The following CLNK variants were observed in gnomAD, a reference collection of about 807,000 sequenced individuals.
The protein encoded by CLNK is cytokine-dependent hematopoietic cell linker.
In CLNK, 74 loss-of-function variants were observed where a neutral mutation model predicts 68.6. That is an observed-to-expected ratio of 1.08 (90% CI 0.89 to 1.31). The LOEUF is 1.31. CLNK is among the 50% of genes most tolerant of loss of function. The pLI is 0.00. For missense variants in CLNK, 553 were observed against 515.3 expected, an observed-to-expected ratio of 1.07 and a Z score of -0.71; for synonymous variants, 198 against 172.2, an observed-to-expected ratio of 1.15 and a Z score of -1.17.
intron 15 of CLNK, among the ~76,000 whole-genome samples, chr4:10,513,832 A>ATTT (rs1553845611): frequency 6.9e-6 from 1 of 145,616 alleles, no homozygotes; most frequent in Non-Finnish European, 1.5e-5. Context: ...TTTTTTTTTA[A>ATTT]ATTATTATTA....
intron 2 of CLNK, among the ~76,000 whole-genome samples, chr4:10,660,620 G>A (rs1724159172): frequency 6.6e-6 from 1 of 152,176 alleles, no homozygotes; most frequent in Non-Finnish European, 1.5e-5. Flanking sequence ...TAACCTTGTG[G>A]ACAGTCAGTA....
At chr4:10,710,899 T>C in the CLNK span, among the ~76,000 whole-genome samples, 2 of 152,186 alleles carry the variant, frequency 1.3e-5, no homozygotes, top group Non-Finnish European at 2.9e-5. Context: ...TGAGAAGCAT[T>C]GTGGAATCGG....
At chr4:10,695,428 T>C in the CLNK span, among the ~76,000 whole-genome samples, 1 of 152,188 alleles carries the variant, frequency 6.6e-6, no homozygotes, top group South Asian at 2.1e-4. Context: ...AGCTTGAATG[T>C]TATAAAATCA....
At chr4:10,569,293 C>G (rs1720249237) in intron 5 of CLNK, among the ~76,000 whole-genome samples, 1 of 147,474 alleles carries the variant, frequency 6.8e-6, no homozygotes, top group Non-Finnish European at 1.5e-5. Flanking sequence ...GGGTTCTTAT[C>G]TGATAGGATT....
At chr4:10,501,135 G>T in intron 18 of CLNK, 121 bp downstream of exon 18, 1 of 1,002,500 alleles carries the variant, frequency 1.0e-6, no homozygotes, top group Non-Finnish European at 1.4e-6. Flanking sequence ...GGGGTGGGGA[G>T]GTCAGACTGC....
At chr4:10,671,957 G>A (rs1724661978) in intron 1 of CLNK, among the ~76,000 whole-genome samples, 1 of 152,096 alleles carries the variant, frequency 6.6e-6, no homozygotes, top group African/African-American at 2.4e-5. Flanking sequence ...ACGCAAAATA[G>A]CTCGCTTTGT....
chr4:10,546,991 C>A (rs1358307461), intron 8 of CLNK, among the ~76,000 whole-genome samples: 1 of 152,134 alleles, frequency 6.6e-6, no homozygotes, highest in East Asian at 1.9e-4. Context: ...ACCAGTTCCC[C>A]TTCCATGACA....
rs933115264 is a variant in CLNK, at chr4:10,680,622, A to G, written c.-43+4046T>C. Reference sequence around the variant, plus strand: ...AATAATAATGCTAAGAATGATGATAATAGCCACTACCATTTACTTTGTATT... The same window carrying G: ...AATAATAATGCTAAGAATGATGATAGTAGCCACTACCATTTACTTTGTATT... On this transcript the variant is annotated intron_variant, in intron 1 of 18. Transcript: ENST00000226951. Among the ~76,000 whole-genome samples the G allele has an allele frequency of 1.3e-4, 20 of 152,204 alleles. 1 individual carries two copies. The highest frequency in any genetic ancestry group is 4.8e-4 in the African/African-American group (20 of 41,464).
rs541928452 is a variant in CLNK at position 10,569,998 on chromosome 4, A to T, written c.150+1743T>A. On this transcript the variant is annotated intron_variant, in intron 5 of 18. Transcript: ENST00000226951. ...GACAAAGCAAAGCAAAGCTGCTAGT[A>T]TGTGTACTCCAGGAAGTTTCACCAT... 7.2e-5 allele frequency among the ~76,000 whole-genome samples: 11 copies of T among 152,314 alleles called. No individual in the cohort carries two copies. The East Asian group carries it at 1.5e-3, about 21-fold the overall frequency.
intron 2 of CLNK, chr4:10,598,820 C>G (rs1335477958): frequency 4.7e-5 from 14 of 299,568 alleles, no homozygotes; most frequent in Non-Finnish European, 6.8e-5. Context: ...TTTTCCTCCA[C>G]AAATGCTCCT....
intron 5 of CLNK, among the ~76,000 whole-genome samples, chr4:10,568,731 G>C (rs1280554106): frequency 6.6e-6 from 1 of 152,186 alleles, no homozygotes; most frequent in African/African-American, 2.4e-5. Context: ...CTGGAAGCAA[G>C]TTCCTCTTCA....
chr4:10,672,601 T>A lies in CLNK; in HGVS notation c.-42-4690A>T, dbSNP rs776411006. On this transcript the variant is annotated intron_variant, in intron 1 of 18. Coordinates refer to ENST00000226951, the MANE Select transcript of CLNK (RefSeq NM_052964.4). ...TTAGGTAAGCATTTTTAGGTAAGCATCTGCTAATAACCACTGATGTAATCA... is the reference window on the plus strand; with the variant it reads ...TTAGGTAAGCATTTTTAGGTAAGCAACTGCTAATAACCACTGATGTAATCA... Among the ~76,000 whole-genome samples, 27 of 152,296 alleles carry A rather than the reference T, an allele frequency of 1.8e-4. 1 individual carries two copies. Among genetic ancestry groups the A allele is most frequent in the Admixed American group, 3.9e-4 (6 of 15,304 alleles).
At chr4:10,587,450 A>T (rs1033030388) in intron 3 of CLNK, among the ~76,000 whole-genome samples, 1 of 152,200 alleles carries the variant, frequency 6.6e-6, no homozygotes, top group Non-Finnish European at 1.5e-5. Flanking sequence ...CCTCTGCATT[A>T]CACCTTTCCT....
chr4:10,663,900 T>G (rs1416106613), intron 2 of CLNK, among the ~76,000 whole-genome samples: 1 of 152,192 alleles, frequency 6.6e-6, no homozygotes, highest in Non-Finnish European at 1.5e-5. Flanking sequence ...CTTGCCTTCT[T>G]TACCATGTGA....
At chr4:10,728,105 A>G in the CLNK span, among the ~76,000 whole-genome samples, 640 of 152,296 alleles carry the variant, frequency 4.2e-3, 7 homozygotes, top group African/African-American at 0.014. Context: ...GGCTTCTGGT[A>G]TCTACTGATG....
chr4:10,588,151 C>G (rs1176487801), intron 3 of CLNK, among the ~76,000 whole-genome samples: 1 of 152,174 alleles, frequency 6.6e-6, no homozygotes, highest in Non-Finnish European at 1.5e-5. Context: ...GTAAGCGTGG[C>G]AAGCCATCCC....
At position 10,490,243 on chromosome 4, in the gene CLNK, G is replaced by T; in HGVS notation, c.*224C>A. On this transcript the variant is annotated 3_prime_UTR_variant, in exon 19 of 19. Transcript: ENST00000226951. Reference sequence around the variant, plus strand: ...TTTTATTTTTATTTATTTTCCAGTGGCCAGTTACTAGAATGTTTTTATTTT... The same window carrying T: ...TTTTATTTTTATTTATTTTCCAGTGTCCAGTTACTAGAATGTTTTTATTTT... The T allele has an allele frequency of 2.5e-6, 1 of 405,308 alleles. No homozygotes were observed. Among genetic ancestry groups the T allele is most frequent in the South Asian group, 8.0e-5 (1 of 12,546 alleles). The allele number at this position is 405,308 out of a possible 1,614,324, so 25.1% of individuals were successfully genotyped here. A position where few individuals can be genotyped will look rare whatever the true frequency, so the allele number is the denominator to read the frequency against.
chr4:10,655,678 C>T (rs889642017), intron 2 of CLNK, among the ~76,000 whole-genome samples: 1 of 117,198 alleles, frequency 8.5e-6, no homozygotes, highest in Non-Finnish European at 1.6e-5. Context: ...GAGACAGAGT[C>T]TTGCCCTGTT....
intron 2 of CLNK, among the ~76,000 whole-genome samples, chr4:10,613,515 T>A (rs1425479309): frequency 6.6e-6 from 1 of 152,126 alleles, no homozygotes; most frequent in Non-Finnish European, 1.5e-5. Flanking sequence ...CTGTCTGTAG[T>A]CATTGAGAGG....
Sources: allele counts gnomAD v4.1 joint callset (sites outside exome capture counted in the v4.1 genomes callset), GRCh38; gene constraint gnomAD v4.1.1; transcripts MANE v1.5; gene names NCBI Gene and HGNC (gene_info 2026-07-23, HGNC 2026-07-21).